RTKN2: variants seen among roughly 807,000 people sequenced by gnomAD.
The protein encoded by RTKN2 is rhotekin 2.
A neutral mutation model predicts 71.5 loss-of-function variants in RTKN2; 69 were observed. The ratio of observed to expected loss-of-function variants is 0.96; its 90% CI spans 0.79 to 1.18. RTKN2 has a LOEUF of 1.18. Ranked by LOEUF, RTKN2 falls within the 50% of genes most tolerant of loss-of-function variation. RTKN2 has a pLI of 0.00. For synonymous variants in RTKN2, 236 were observed against 236.5 expected (o/e 1.00, Z 0.02); for missense variants, 724 against 719.7 (o/e 1.01, Z -0.07).
At chr10:62,192,958 GTATGT>G (rs560904808), downstream of RTKN2, among the ~76,000 whole-genome samples, 160 of 152,196 alleles carry the variant, frequency 1.1e-3, 1 homozygote, top group African/African-American at 3.5e-3. Context: ...ATGTATGTAT[GTATGT>G]TATATCTATA....
intron 7 of RTKN2, among the ~76,000 whole-genome samples, chr10:62,220,917 G>A (rs1430494137): frequency 6.6e-6 from 1 of 151,908 alleles, no homozygotes; most frequent in Admixed American, 6.6e-5. Context: ...AATTAAAACT[G>A]CAGAATTAAG....
Position 62,195,642 on chromosome 10 carries a change from G to T in RTKN2, c.*2266C>A, listed in dbSNP as rs557407633. ...AGGAAGGAAGGAAGGAAGGAAGGAA[G>T]GAAGGAAGGAAGGAAGGAAGGAAGG... On this transcript the variant is annotated 3_prime_UTR_variant, in exon 12 of 12. Coordinates refer to ENST00000373789, the MANE Select transcript of RTKN2 (RefSeq NM_145307.4). 4.3e-4 allele frequency: 275 copies of T among 646,220 alleles called. 10 individuals carry two copies. Among genetic ancestry groups the T allele is most frequent in the Admixed American group, 2.9e-3 (43 of 14,926 alleles). The allele number at this position is 646,220 out of a possible 1,614,324, so 40.0% of individuals were successfully genotyped here.
At chr10:62,184,427 G>A (rs1178926956) in intron 8 of RTKN2, 2 of 1,153,862 alleles carry the variant, frequency 1.7e-6, no homozygotes, top group South Asian at 2.9e-5. Context: ...ACCCACAGAG[G>A]TAAAGAGAAA....
chr10:62,218,154 G>A (rs1287706706), intron 8 of RTKN2, 41 bp downstream of exon 8: 2 of 1,249,038 alleles, frequency 1.6e-6, no homozygotes, highest in Non-Finnish European at 2.3e-6. Flanking sequence ...AAGATTTAAA[G>A]TAGAGCTACA....
At chr10:62,211,714 G>GTCACC (rs1841662263) in intron 9 of RTKN2, among the ~76,000 whole-genome samples, 1 of 152,144 alleles carries the variant, frequency 6.6e-6, no homozygotes, top group African/African-American at 2.4e-5. Context: ...AGGCTGGAGT[G>GTCACC]CAGTGGCACA....
At chr10:62,265,576 G>T (rs1479162314) in intron 1 of RTKN2, among the ~76,000 whole-genome samples, 1 of 146,430 alleles carries the variant, frequency 6.8e-6, no homozygotes, top group African/African-American at 2.5e-5. Flanking sequence ...TGAGCTGTTG[G>T]TTTTTTTTTT....
intron 2 of RTKN2, among the ~76,000 whole-genome samples, chr10:62,253,869 C>A (rs1377986351): frequency 6.6e-6 from 1 of 151,792 alleles, no homozygotes; most frequent in Non-Finnish European, 1.5e-5. Context: ...ATCTCAAAAG[C>A]ATTATGCTGA....
intron 10 of RTKN2, among the ~76,000 whole-genome samples, chr10:62,204,167 T>A (rs1841502701): frequency 6.6e-6 from 1 of 152,188 alleles, no homozygotes; most frequent in Non-Finnish European, 1.5e-5. Context: ...ATTATCAACA[T>A]TCTACATTTT....
chr10:62,213,792 G>C (rs1841711596), intron 9 of RTKN2, among the ~76,000 whole-genome samples: 1 of 151,922 alleles, frequency 6.6e-6, no homozygotes, highest in Admixed American at 6.5e-5. Flanking sequence ...ATGTATATGG[G>C]CCATCAGTAT....
chr10:62,192,731 G>C (rs1841242410), downstream of RTKN2, among the ~76,000 whole-genome samples: 1 of 152,166 alleles, frequency 6.6e-6, no homozygotes, highest in African/African-American at 2.4e-5. Context: ...TAGGAGCTAA[G>C]AGTGACCCCT....
intron 2 of RTKN2, among the ~76,000 whole-genome samples, chr10:62,257,696 T>C (rs1025303661): frequency 1.3e-5 from 2 of 152,178 alleles, no homozygotes; most frequent in African/African-American, 4.8e-5. Context: ...TGGAAACCAA[T>C]AGCTATTTTT....
Position 62,195,819 on chromosome 10 carries a change from G to C in RTKN2, c.*2089C>G, listed in dbSNP as rs1184981081. Reference sequence around the variant, plus strand: ...AGACCGAATAATTTGGTGGGGAGGGGGTGGTGGTCCTTGCTCAGGCTTTTA... The same window carrying C: ...AGACCGAATAATTTGGTGGGGAGGGCGTGGTGGTCCTTGCTCAGGCTTTTA... On this transcript the variant is annotated 3_prime_UTR_variant, in exon 12 of 12. Coordinates refer to ENST00000373789, the MANE Select transcript of RTKN2 (RefSeq NM_145307.4). 1 of 985,368 alleles carries C rather than the reference G, an allele frequency of 1.0e-6. No homozygotes were observed. Among genetic ancestry groups the C allele is most frequent in the African/African-American group, 1.7e-5 (1 of 57,196 alleles). The allele number at this position is 985,368 out of a possible 1,614,324, so 61.0% of individuals were successfully genotyped here.
At chr10:62,227,271 G>GCTAA (rs770072580) in intron 6 of RTKN2, among the ~76,000 whole-genome samples, 1 of 152,112 alleles carries the variant, frequency 6.6e-6, no homozygotes, top group Non-Finnish European at 1.5e-5. Context: ...AGCCCATGAA[G>GCTAA]CTAAGTAAAG....
chr10:62,266,423 G>A (rs1416696993), intron 1 of RTKN2, among the ~76,000 whole-genome samples: 2 of 152,174 alleles, frequency 1.3e-5, no homozygotes, highest in African/African-American at 4.8e-5. Context: ...CCAAGGTGAA[G>A]AAGAAAAGAG....
chr10:62,228,748 T>C (rs1405860740), intron 6 of RTKN2, among the ~76,000 whole-genome samples: 1 of 152,070 alleles, frequency 6.6e-6, no homozygotes, highest in African/African-American at 2.4e-5. Flanking sequence ...AGGCCTTAGA[T>C]GAGGTGAAGG....
At chr10:62,243,581 G>C (rs1223555696) in intron 3 of RTKN2, among the ~76,000 whole-genome samples, 3 of 152,162 alleles carry the variant, frequency 2.0e-5, no homozygotes. Flanking sequence ...GAAGAGAGGA[G>C]GGTAGATATC....
chr10:62,194,032 T>G lies in RTKN2; in HGVS notation c.*3876A>C, dbSNP rs1201092363. 1.0e-6 allele frequency: 1 copy of G among 984,046 alleles called. No homozygotes were observed. The highest frequency in any genetic ancestry group is 1.1e-4 in the East Asian group (1 of 8,822). 61.0% of individuals were successfully genotyped at this position (984,046 alleles called of 1,614,324 possible). ...TCAGTTCTTTTAATGTACAGAAGTT[T>G]CAATTACATGACTTGGGCTCGCTTA... On this transcript the variant is annotated 3_prime_UTR_variant, in exon 12 of 12. Coordinates refer to ENST00000373789, the MANE Select transcript of RTKN2 (RefSeq NM_145307.4).
Position 62,196,061 on chromosome 10 carries a change from G to A in RTKN2, c.*1847C>T. ...CATCAACTAGGAAAAAAAAAAGAAT[G>A]CTTAGATGCCAGCTTCAAAACAATT... On this transcript the variant is annotated 3_prime_UTR_variant, in exon 12 of 12. Transcript: ENST00000373789. 1.0e-6 allele frequency: 1 copy of A among 985,050 alleles called. No homozygotes were observed. The highest frequency in any genetic ancestry group is 6.2e-5 in the Admixed American group (1 of 16,252). The allele number at this position is 985,050 out of a possible 1,614,324, so 61.0% of individuals were successfully genotyped here.
chr10:62,259,014 T>C (rs772178470), intron 2 of RTKN2, among the ~76,000 whole-genome samples: 1 of 152,146 alleles, frequency 6.6e-6, no homozygotes, highest in Non-Finnish European at 1.5e-5. Context: ...TCATCTTGAA[T>C]TGCAGCTCCC....
Sources: allele counts gnomAD v4.1 joint callset (sites outside exome capture counted in the v4.1 genomes callset), GRCh38; gene constraint gnomAD v4.1.1; transcripts MANE v1.5; gene names NCBI Gene and HGNC (gene_info 2026-07-23, HGNC 2026-07-21).